The following SLC25A19 variants were observed in gnomAD, a reference collection of about 807,000 sequenced individuals.
SLC25A19 encodes the protein solute carrier family 25 member 19.
Under a neutral mutation model 27.9 loss-of-function variants are expected in SLC25A19, and 18 were observed. That is an observed-to-expected ratio of 0.64 (90% CI 0.45 to 0.96). The LOEUF (loss-of-function observed/expected upper bound fraction) is 0.96. SLC25A19 is among the 40% of genes least tolerant of loss of function. SLC25A19 has a pLI of 0.00. For synonymous variants in SLC25A19, 169 were observed against 167.1 expected, an observed-to-expected ratio of 1.01 and a Z score of -0.09; for missense variants, 371 against 418.3, an observed-to-expected ratio of 0.89 and a Z score of 0.99.
intron 5 of SLC25A19, among the ~76,000 whole-genome samples, chr17:75,281,626 G>A (rs2078041344): frequency 6.6e-6 from 1 of 152,150 alleles, no homozygotes; most frequent in Non-Finnish European, 1.5e-5. Context: ...GAACCCAGGA[G>A]GCAGAGGTTA....
At chr17:75,282,247 T>TG (rs1254569279) in intron 5 of SLC25A19, among the ~76,000 whole-genome samples, 1 of 149,216 alleles carries the variant, frequency 6.7e-6, no homozygotes, top group Non-Finnish European at 1.5e-5. Context: ...AACAAGACAC[T>TG]GTCTCAAAAA....
At chr17:75,283,719 A>G in intron 4 of SLC25A19, 126 bp from the exon 5 acceptor site, 6 of 877,332 alleles carry the variant, frequency 6.8e-6, no homozygotes, top group Non-Finnish European at 1.1e-5. Context: ...AGGTCAGGAA[A>G]TGTTCTTCTT....
intron 1 of SLC25A19, among the ~76,000 whole-genome samples, chr17:75,288,842 G>C (rs897189563): frequency 1.2e-4 from 19 of 152,056 alleles, no homozygotes; most frequent in Admixed American, 1.2e-3. Flanking sequence ...GCGCCCATGA[G>C]GAAGTTTAAA....
At chr17:75,279,506 CTTTTT>C (rs35328245) in intron 5 of SLC25A19, among the ~76,000 whole-genome samples, 3 of 114,114 alleles carry the variant, frequency 2.6e-5, no homozygotes, top group Non-Finnish European at 3.7e-5. Flanking sequence ...ATGCTATTAT[CTTTTT>C]TTTTTTTTTT....
intron 7 of SLC25A19, among the ~76,000 whole-genome samples, chr17:75,276,937 C>A (rs1161656023): frequency 6.6e-6 from 1 of 151,300 alleles, no homozygotes; most frequent in Non-Finnish European, 1.5e-5. Flanking sequence ...CCCACCTTGG[C>A]CTCCCAAAGT....
chr17:75,280,861 T>G (rs1029468474), intron 5 of SLC25A19, among the ~76,000 whole-genome samples: 3 of 150,316 alleles, frequency 2.0e-5, no homozygotes, highest in African/African-American at 7.4e-5. Context: ...ATCACTTGAA[T>G]CTGGGAGGCG....
At chr17:75,282,529 A>G (rs753910946) in intron 5 of SLC25A19, among the ~76,000 whole-genome samples, 12 of 151,854 alleles carry the variant, frequency 7.9e-5, no homozygotes, top group Non-Finnish European at 1.3e-4. Flanking sequence ...AGCCTGGGCA[A>G]TAAGAGCGAG....
intron 4 of SLC25A19, among the ~76,000 whole-genome samples, chr17:75,284,567 T>G (rs1036792656): frequency 3.3e-5 from 5 of 152,040 alleles, no homozygotes; most frequent in African/African-American, 1.2e-4. Context: ...CGAGAATCAT[T>G]CTTTTCTGGG....
intron 2 of SLC25A19, chr17:75,287,010 G>A (rs896086863): frequency 4.1e-6 from 2 of 486,568 alleles, no homozygotes; most frequent in South Asian, 2.1e-5. Flanking sequence ...AGACCAGCCT[G>A]GGCAACACTG....
chr17:75,277,260 T>C, intron 7 of SLC25A19, 93 bp downstream of exon 7: 4 of 1,531,870 alleles, frequency 2.6e-6, no homozygotes, highest in Non-Finnish European at 3.6e-6. Flanking sequence ...CCAGGGGTGA[T>C]GTTGCCCAAT....
rs371339034 is a variant in SLC25A19 at position 75,278,349 on chromosome 17, C to T, written c.460-14G>A. On this transcript the variant is annotated splice_polypyrimidine_tract_variant and intron_variant, in intron 5 of 7. Transcript: ENST00000416858. Reference sequence around the variant, plus strand: ...CGTATTATAGACCTGGACACACACACGCACTTTGAATGAGCTCAGTGAAGT... The same window carrying T: ...CGTATTATAGACCTGGACACACACATGCACTTTGAATGAGCTCAGTGAAGT... 51 of 1,613,906 alleles carry T rather than the reference C, an allele frequency of 3.2e-5. No homozygotes were observed. In the African/African-American group the frequency reaches 4.0e-4, roughly 13 times the overall value.
At chr17:75,285,103 AT>A (rs1393064539) in intron 4 of SLC25A19, among the ~76,000 whole-genome samples, 1 of 151,538 alleles carries the variant, frequency 6.6e-6, no homozygotes, top group Non-Finnish European at 1.5e-5. Context: ...TGGCTAATTT[AT>A]TTTTTATTTT....
chr17:75,286,216 C>A (rs982526999), intron 4 of SLC25A19, 88 bp downstream of exon 4: 2 of 1,521,660 alleles, frequency 1.3e-6, no homozygotes, highest in Non-Finnish European at 1.8e-6. Flanking sequence ...TCCTGCCCTG[C>A]GCGGCATTCC....
At chr17:75,273,834 C>T in intron 7 of SLC25A19, 195 bp from the exon 8 acceptor site, 1 of 553,380 alleles carries the variant, frequency 1.8e-6, no homozygotes, top group South Asian at 1.9e-5. Context: ...AATCTTGGCT[C>T]ACTGCAGCCT....
Position 75,273,205 on chromosome 17 carries a change from C to T in SLC25A19, c.*246G>A. On this transcript the variant is annotated 3_prime_UTR_variant, in exon 8 of 8. Coordinates refer to ENST00000416858, the MANE Select transcript of SLC25A19 (RefSeq NM_001126121.2). ...TGTGGGCTGGTCAGAGGAGAAACAG[C>T]AACTTCCTGCTCCTTCTCACTGTGT... is the stretch of plus-strand genomic sequence containing the variant. 1 of 535,800 alleles carries T rather than the reference C, an allele frequency of 1.9e-6. No homozygotes were observed. The highest frequency in any genetic ancestry group is 3.4e-6 in the Non-Finnish European group (1 of 296,530). 33.2% of individuals were successfully genotyped at this position (535,800 alleles called of 1,614,324 possible). A position where few individuals can be genotyped will look rare whatever the true frequency, so the allele number is the denominator to read the frequency against.
intron 2 of SLC25A19, chr17:75,287,306 TG>T (rs930529281): frequency 1.9e-5 from 3 of 156,180 alleles, no homozygotes; most frequent in Non-Finnish European, 4.1e-5. Flanking sequence ...AAGGTCTCAA[TG>T]TTGCCCTGGC....
chr17:75,285,544 G>A (rs910850776), intron 4 of SLC25A19, among the ~76,000 whole-genome samples: 3 of 152,238 alleles, frequency 2.0e-5, no homozygotes, highest in Non-Finnish European at 4.4e-5. Flanking sequence ...GGCGGTCACT[G>A]TGATGTCACA....
At chr17:75,278,123 G>A (rs2077939591) in intron 6 of SLC25A19, 29 bp downstream of exon 6, 4 of 1,610,868 alleles carry the variant, frequency 2.5e-6, no homozygotes, top group Non-Finnish European at 3.4e-6. Context: ...GGGGTGGGAG[G>A]GCTCCCTCTC....
chr17:75,278,392 A>G, intron 5 of SLC25A19, 57 bp from the exon 6 acceptor site: 1 of 1,589,294 alleles, frequency 6.3e-7, no homozygotes, highest in Non-Finnish European at 8.6e-7. Flanking sequence ...GCCCTGGAAC[A>G]GCCCATCATA....
Sources: allele counts gnomAD v4.1 joint callset (sites outside exome capture counted in the v4.1 genomes callset), GRCh38; gene constraint gnomAD v4.1.1; transcripts MANE v1.5; gene names NCBI Gene and HGNC (gene_info 2026-07-23, HGNC 2026-07-21).